Variants in UBXN2B observed in about 807,000 individuals in gnomAD.
UBXN2B encodes the protein UBX domain-containing protein 2B.
UBXN2B carries 19 observed loss-of-function variants against 37.5 expected under a neutral mutation model. The observed-to-expected ratio is 0.51, with a 90% CI of 0.35 to 0.74. The LOEUF (loss-of-function observed/expected upper bound fraction) is 0.74, where lower values mean the gene tolerates loss of function less well. UBXN2B is among the 30% of genes least tolerant of loss of function. UBXN2B has a pLI of 0.01. For missense variants in UBXN2B, 370 were observed against 393.2 expected (o/e 0.94, Z 0.50); for synonymous variants, 145 against 143.8 (o/e 1.01, Z -0.06).
intron 2 of UBXN2B, among the ~76,000 whole-genome samples, chr8:58,423,079 AATCATCATCATC>A (rs35213875): frequency 5.8e-4 from 86 of 149,050 alleles, no homozygotes; most frequent in African/African-American, 1.5e-3. Flanking sequence ...GGTGAGACGA[AATCATCATCATC>A]ATCATCATCA....
Position 58,411,375 on chromosome 8 carries a change from G to C in UBXN2B, c.-11G>C. On this transcript the variant is annotated 5_prime_UTR_variant, in exon 1 of 8. Transcript: ENST00000399598. Reference sequence around the variant, plus strand: ...GGTGCGTCCGCAGCGGGCGCCGCTAGCCAGCGGAAGATGGCGGAGGGCGGA... The same window carrying C: ...GGTGCGTCCGCAGCGGGCGCCGCTACCCAGCGGAAGATGGCGGAGGGCGGA... The C allele has an allele frequency of 7.9e-7, 1 of 1,270,156 alleles. No homozygotes were observed. Among genetic ancestry groups the C allele is most frequent in the Non-Finnish European group, 1.0e-6 (1 of 1,004,658 alleles). The allele number at this position is 1,270,156 out of a possible 1,614,324, so 78.7% of individuals were successfully genotyped here.
At chr8:58,446,779 A>ATTTTGTTTTTTTTTT (rs1808682688) in intron 7 of UBXN2B, among the ~76,000 whole-genome samples, 2 of 17,386 alleles carry the variant, frequency 1.2e-4, no homozygotes, top group African/African-American at 4.5e-4. Context: ...TACAACCTGC[A>ATTTTGTTTTTTTTTT]TTTTTTTTTT....
intron 7 of UBXN2B, among the ~76,000 whole-genome samples, chr8:58,446,279 A>G (rs1808665566): frequency 6.6e-6 from 1 of 152,244 alleles, no homozygotes; most frequent in Non-Finnish European, 1.5e-5. Context: ...TCTATAAACT[A>G]TCCAAATACT....
chr8:58,423,404 T>G (rs1433978227), intron 2 of UBXN2B, among the ~76,000 whole-genome samples: 2 of 151,502 alleles, frequency 1.3e-5, no homozygotes, highest in African/African-American at 4.8e-5. Flanking sequence ...CAACTCAAAT[T>G]GAAGAACAGT....
chr8:58,440,328 A>G (rs900546304), intron 6 of UBXN2B, among the ~76,000 whole-genome samples: 3 of 152,274 alleles, frequency 2.0e-5, no homozygotes, highest in African/African-American at 7.2e-5. Context: ...AAACTCTTGC[A>G]GCAGGAGCAA....
intron 6 of UBXN2B, among the ~76,000 whole-genome samples, chr8:58,445,489 C>T (rs922520403): frequency 2.0e-5 from 3 of 152,188 alleles, no homozygotes; most frequent in African/African-American, 7.2e-5. Flanking sequence ...AATATACCTT[C>T]ATAACATAGT....
chr8:58,445,360 G>A (rs1479988306), intron 6 of UBXN2B, among the ~76,000 whole-genome samples: 2 of 152,174 alleles, frequency 1.3e-5, no homozygotes, highest in African/African-American at 4.8e-5. Context: ...AATCAGATGT[G>A]TTTAAATGAT....
chr8:58,415,753 A>G (rs1252073554), intron 1 of UBXN2B, among the ~76,000 whole-genome samples: 1 of 152,102 alleles, frequency 6.6e-6, no homozygotes, highest in Non-Finnish European at 1.5e-5. Flanking sequence ...TACGATTTGA[A>G]TTCAGTCCTT....
At chr8:58,433,507 A>C (rs1282430878) in intron 4 of UBXN2B, among the ~76,000 whole-genome samples, 2 of 151,832 alleles carry the variant, frequency 1.3e-5, no homozygotes, top group African/African-American at 2.4e-5. Context: ...AGGCGTGGTG[A>C]CATGCATCTG....
chr8:58,436,196 A>G (rs1251722094), intron 5 of UBXN2B, among the ~76,000 whole-genome samples: 1 of 152,244 alleles, frequency 6.6e-6, no homozygotes, highest in Non-Finnish European at 1.5e-5. Context: ...AATTACTACA[A>G]GTAGCATTGC....
rs141213580 is a variant in UBXN2B at position 58,435,696 on chromosome 8, T to G, written c.533+1192T>G. ...AGATAAAAACTAATTTATTGTTAAA[T>G]GAAAATAAACCACAAACTTTGTAGG... On this transcript the variant is annotated intron_variant, in intron 5 of 7. Coordinates refer to ENST00000399598, the MANE Select transcript of UBXN2B (RefSeq NM_001077619.2). Among the ~76,000 whole-genome samples, 97 of 152,324 alleles carry G rather than the reference T, an allele frequency of 6.4e-4. 3 individuals carry two copies. Among genetic ancestry groups the G allele is most frequent in the African/African-American group, 2.3e-3 (95 of 41,580 alleles).
intron 1 of UBXN2B, among the ~76,000 whole-genome samples, chr8:58,416,024 G>C (rs1225951628): frequency 1.3e-5 from 2 of 150,086 alleles, no homozygotes; most frequent in African/African-American, 2.5e-5. Flanking sequence ...TATGATTTTG[G>C]GTTTTTTTGT....
rs1038689171 is a variant in UBXN2B at position 58,433,703 on chromosome 8, A to G, written c.423+460A>G. On this transcript the variant is annotated intron_variant, in intron 4 of 7. Coordinates refer to ENST00000399598, the MANE Select transcript of UBXN2B (RefSeq NM_001077619.2). ...ATAATCCTAGCACTTTGGGAGACTG[A>G]GGTGGGCAGATTGTTTGAGCCCAGG... is the stretch of plus-strand genomic sequence containing the variant. 1.6e-4 allele frequency among the ~76,000 whole-genome samples: 25 copies of G among 151,766 alleles called. No individual in the cohort carries two copies. In the East Asian group the frequency reaches 4.3e-3, roughly 26 times the overall value.
intron 5 of UBXN2B, among the ~76,000 whole-genome samples, chr8:58,435,824 G>C (rs1307855752): frequency 5.9e-5 from 9 of 152,058 alleles, no homozygotes; most frequent in Non-Finnish European, 1.5e-5. Context: ...TTTTAGAAAA[G>C]ACTCTAAAGA....
intron 2 of UBXN2B, among the ~76,000 whole-genome samples, chr8:58,423,484 G>A (rs1259932017): frequency 6.6e-6 from 1 of 150,686 alleles, no homozygotes; most frequent in East Asian, 1.9e-4. Flanking sequence ...CGCCCAGGCT[G>A]GAGTGTAGTG....
In UBXN2B at chr8:58,411,451, G is replaced by T; in HGVS notation, c.66G>T (p.Pro22=). 3 of 1,255,212 alleles carry T rather than the reference G, an allele frequency of 2.4e-6. No homozygotes were observed. In the South Asian group the frequency reaches 1.0e-4, roughly 42 times the overall value. The allele number at this position is 1,255,212 out of a possible 1,614,324, so 77.8% of individuals were successfully genotyped here. The change falls in exon 1 of 8, where the codon CCG becomes CCT. Residue 22 remains proline, a synonymous_variant. Coordinates refer to ENST00000399598, the MANE Select transcript of UBXN2B (RefSeq NM_001077619.2). The part of the protein sequence containing the change: ...QERRSSGPRP[P]SARDLQLALA... The stretch of plus-strand genomic sequence containing the variant: ...GGAGGTCTTCCGGGCCGCGGCCTCC[G>T]AGCGCGCGGGATTTGCAGGTGAGGC...
chr8:58,425,839 T>TTCC, intron 2 of UBXN2B: 1 of 1,173,634 alleles, frequency 8.5e-7, no homozygotes, highest in South Asian at 1.2e-5. Context: ...CGTATTTCAG[T>TTCC]TCCTGACAGC....
intron 5 of UBXN2B, among the ~76,000 whole-genome samples, chr8:58,437,755 G>A (rs560763219): frequency 3.0e-4 from 45 of 152,282 alleles, no homozygotes; most frequent in South Asian, 8.3e-4. Context: ...AGCAGAGCCC[G>A]TTGAAGTTTG....
chr8:58,420,267 G>A (rs1401838634), intron 2 of UBXN2B, among the ~76,000 whole-genome samples: 1 of 152,050 alleles, frequency 6.6e-6, no homozygotes. Flanking sequence ...AAGCAGTTGC[G>A]CTAACACCCA....
Sources: allele counts gnomAD v4.1 joint callset (sites outside exome capture counted in the v4.1 genomes callset), GRCh38; gene constraint gnomAD v4.1.1; transcripts MANE v1.5; gene names NCBI Gene and HGNC (gene_info 2026-07-23, HGNC 2026-07-21).